The following NCOA2 variants were observed in gnomAD, a reference collection of about 807,000 sequenced individuals.
The protein encoded by NCOA2 is class E basic helix-loop-helix protein 75.
Under a neutral mutation model 145.1 loss-of-function variants are expected in NCOA2, and 21 were observed. The ratio of observed to expected loss-of-function variants is 0.14; its 90% confidence interval spans 0.10 to 0.21. The LOEUF (loss-of-function observed/expected upper bound fraction) is 0.21. Ranked by LOEUF, NCOA2 falls within the 10% of genes least tolerant of loss-of-function variation. The pLI, the probability that NCOA2 is intolerant of heterozygous loss-of-function variation, is 1.00. For synonymous variants in NCOA2, 619 were observed against 637.5 expected (o/e 0.97, Z 0.44); for missense variants, 1,472 against 1,837.6 (o/e 0.80, Z 3.64).
At chr8:70,254,171 G>A (rs566403589) in intron 2 of NCOA2, among the ~76,000 whole-genome samples, 86 of 152,310 alleles carry the variant, frequency 5.6e-4, no homozygotes, top group Non-Finnish European at 1.0e-3. Context: ...TTAGGGAAAT[G>A]CAAATAAGAA....
intron 1 of NCOA2, among the ~76,000 whole-genome samples, chr8:70,388,402 G>A (rs1052565912): frequency 1.3e-5 from 2 of 152,078 alleles, no homozygotes; most frequent in African/African-American, 2.4e-5. Flanking sequence ...CATCTAGGCC[G>A]GTCTTTAAGG....
At chr8:70,295,633 A>T (rs1827032961) in intron 2 of NCOA2, among the ~76,000 whole-genome samples, 1 of 152,196 alleles carries the variant, frequency 6.6e-6, no homozygotes, top group African/African-American at 2.4e-5. Context: ...GTATAAATTA[A>T]TTTCATATCT....
At chr8:70,189,086 CT>C (rs1218524694) in intron 4 of NCOA2, among the ~76,000 whole-genome samples, 3 of 152,060 alleles carry the variant, frequency 2.0e-5, no homozygotes, top group African/African-American at 7.2e-5. Context: ...CAGCATTTGT[CT>C]TATGGATGGG....
intron 7 of NCOA2, among the ~76,000 whole-genome samples, chr8:70,166,359 GAT>G (rs1250024730): frequency 1.3e-5 from 2 of 152,246 alleles, no homozygotes; most frequent in East Asian, 3.8e-4. Flanking sequence ...AGACAGTGAA[GAT>G]ATGTCACTTC....
intron 2 of NCOA2, among the ~76,000 whole-genome samples, chr8:70,268,503 C>CAAA (rs1824792330): frequency 6.6e-6 from 1 of 152,016 alleles, no homozygotes; most frequent in Non-Finnish European, 1.5e-5. Context: ...GACTATTTTT[C>CAAA]CCTTTATTTT....
intron 1 of NCOA2, among the ~76,000 whole-genome samples, chr8:70,391,458 T>C (rs1490940997): frequency 1.3e-5 from 2 of 152,156 alleles, no homozygotes; most frequent in African/African-American, 4.8e-5. Context: ...CAGTAGAAAG[T>C]TTGTCTAGGC....
intron 2 of NCOA2, among the ~76,000 whole-genome samples, chr8:70,279,188 C>G (rs62530505): frequency 6.6e-6 from 1 of 152,152 alleles, no homozygotes. Flanking sequence ...CTCTTCTCAC[C>G]ACTGAACCTT....
intron 6 of NCOA2, among the ~76,000 whole-genome samples, chr8:70,167,365 C>T (rs1273941617): frequency 2.6e-5 from 4 of 152,192 alleles, no homozygotes; most frequent in African/African-American, 9.7e-5. Flanking sequence ...CCATGCTCCA[C>T]CATACCGGGC....
chr8:70,128,329 G>T, intron 18 of NCOA2, 104 bp downstream of exon 18: 1 of 954,048 alleles, frequency 1.0e-6, no homozygotes, highest in South Asian at 1.5e-5. Context: ...CTAGTGTGCT[G>T]ATCTGGATCC....
Position 70,174,789 on chromosome 8 carries a change from G to A in NCOA2, c.330C>T (p.Ile110=). 1 of 1,613,670 alleles carries A rather than the reference G, an allele frequency of 6.2e-7. No individual in the cohort carries two copies. ...TCATAGGCCCCAGCGCATCCTTGTC[G>A]ATGACACCCTGCCCTGTAGAGGATA... ...SDVSSTGQGV[I]DKDALGPMML... The change falls in exon 5 of 23, where the codon ATC becomes ATT. Residue 110 remains isoleucine (I), a synonymous_variant. Coordinates refer to ENST00000452400, the MANE Select transcript of NCOA2 (RefSeq NM_006540.4).
At chr8:70,163,592 T>G (rs1274254226) in intron 7 of NCOA2, 26 bp from the exon 8 acceptor site, 1 of 1,576,814 alleles carries the variant, frequency 6.3e-7, no homozygotes, top group Non-Finnish European at 8.7e-7. Context: ...TTTACATTTA[T>G]CATATTGGGC....
chr8:70,298,304 C>A (rs962439612), intron 1 of NCOA2, among the ~76,000 whole-genome samples: 12 of 152,108 alleles, frequency 7.9e-5, no homozygotes, highest in Non-Finnish European at 1.3e-4. Flanking sequence ...GGGAGAGAAA[C>A]AGAAAAAGAT....
At chr8:70,394,107 G>A (rs531743804) in intron 1 of NCOA2, among the ~76,000 whole-genome samples, 10 of 152,304 alleles carry the variant, frequency 6.6e-5, no homozygotes, top group South Asian at 4.1e-4. Context: ...GTTTCATGAC[G>A]TACTGCCTAT....
intron 1 of NCOA2, among the ~76,000 whole-genome samples, chr8:70,304,144 T>A (rs922312769): frequency 2.0e-5 from 3 of 152,216 alleles, no homozygotes; most frequent in Non-Finnish European, 4.4e-5. Flanking sequence ...AGATTCTGTA[T>A]AATATACAGT....
intron 2 of NCOA2, among the ~76,000 whole-genome samples, chr8:70,223,015 T>C (rs899961201): frequency 6.6e-6 from 1 of 152,138 alleles, no homozygotes; most frequent in Non-Finnish European, 1.5e-5. Context: ...TGGCCAGGAA[T>C]AGCAAGACTA....
intron 1 of NCOA2, among the ~76,000 whole-genome samples, chr8:70,309,987 C>T (rs1828186888): frequency 1.3e-5 from 2 of 151,272 alleles, no homozygotes; most frequent in East Asian, 3.9e-4. Flanking sequence ...AAAAACGAAA[C>T]CAAACAAAAA....
In NCOA2 at chr8:70,345,489, T is replaced by C. The variant is rs565082960; in HGVS notation, c.-76-48689A>G. Among the ~76,000 whole-genome samples, 6 of 152,340 alleles carry C rather than the reference T, an allele frequency of 3.9e-5. No homozygotes were observed. The South Asian group carries it at 8.3e-4, about 21-fold the overall frequency. On this transcript the variant is annotated intron_variant, in intron 1 of 22. Transcript: ENST00000452400. ...CAGTTAGTAATGAAACCTTGACTTTTAGAAGTACATATAATGCTTGGACCC... is the reference window on the plus strand; with the variant it reads ...CAGTTAGTAATGAAACCTTGACTTTCAGAAGTACATATAATGCTTGGACCC...
At chr8:70,386,638 G>C (rs1657658539) in intron 1 of NCOA2, among the ~76,000 whole-genome samples, 1 of 152,140 alleles carries the variant, frequency 6.6e-6, no homozygotes, top group South Asian at 2.1e-4. Flanking sequence ...AGAATGTAAA[G>C]AAAAATTTTT....
chr8:70,224,156 G>C (rs1042993866), intron 2 of NCOA2, among the ~76,000 whole-genome samples: 1 of 152,272 alleles, frequency 6.6e-6, no homozygotes, highest in East Asian at 1.9e-4. Flanking sequence ...CAGAAAAGAT[G>C]TCATGCTCAG....
Sources: gnomAD v4.1 joint callset for allele counts (sites outside exome capture counted in the v4.1 genomes callset) on GRCh38, gnomAD v4.1.1 for gene constraint, MANE v1.5 for transcripts, NCBI Gene and HGNC (gene_info 2026-07-23, HGNC 2026-07-21) for gene names.